Variants in LOC128462377 observed in about 807,000 individuals in gnomAD.
chr16:89,322,813 C>T, the LOC128462377 span, among the ~76,000 whole-genome samples: 1 of 152,250 alleles, frequency 6.6e-6, no homozygotes, highest in Non-Finnish European at 1.5e-5. Context: ...CACGGCCATG[C>T]TCCAGATACC....
the LOC128462377 span, among the ~76,000 whole-genome samples, chr16:89,384,890 T>C: frequency 1.7e-4 from 21 of 121,276 alleles, 1 homozygote; most frequent in East Asian, 3.8e-3. Flanking sequence ...TTTTTTTTTT[T>C]TTTTTTTTTT....
chr16:89,388,806 G>A, the LOC128462377 span, among the ~76,000 whole-genome samples: 1 of 152,182 alleles, frequency 6.6e-6, no homozygotes, highest in Non-Finnish European at 1.5e-5. Flanking sequence ...GAAGGTTCTG[G>A]AAGGCACTGC....
At chr16:89,357,417 G>T in the LOC128462377 span, among the ~76,000 whole-genome samples, 1 of 152,104 alleles carries the variant, frequency 6.6e-6, no homozygotes, top group Non-Finnish European at 1.5e-5. Flanking sequence ...TGCATTGCTG[G>T]TGGGAACATA....
chr16:89,370,965 G>A, the LOC128462377 span, among the ~76,000 whole-genome samples: 2 of 152,130 alleles, frequency 1.3e-5, no homozygotes, highest in African/African-American at 4.8e-5. Flanking sequence ...GACACCACGA[G>A]ACAACCCTAG....
the LOC128462377 span, among the ~76,000 whole-genome samples, chr16:89,385,315 G>A: frequency 9.6e-3 from 1,459 of 151,934 alleles, 30 homozygotes; most frequent in African/African-American, 0.033. Context: ...TTTTAGTAGA[G>A]ACGCTGTTTT....
At chr16:89,384,879 C>CTTTTTTTTTTTTTTTTTTTTTTTTTTTTT in the LOC128462377 span, among the ~76,000 whole-genome samples, 12 of 49,942 alleles carry the variant, frequency 2.4e-4, 2 homozygotes, top group Admixed American at 3.6e-4. Context: ...AAATAGTTTT[C>CTTTTTTTTTTTTTTTTTTTTTTTTTTTTT]TTTTTTTTTT....
the LOC128462377 span, among the ~76,000 whole-genome samples, chr16:89,403,231 C>A: frequency 1.3e-5 from 2 of 152,190 alleles, no homozygotes; most frequent in Non-Finnish European, 2.9e-5. Flanking sequence ...GCTTTACGGG[C>A]ACTGACAGGA....
chr16:89,353,802 T>G, the LOC128462377 span, among the ~76,000 whole-genome samples: 1 of 152,154 alleles, frequency 6.6e-6, no homozygotes, highest in Non-Finnish European at 1.5e-5. Context: ...TTATGGAACA[T>G]AATGTTTTTC....
the LOC128462377 span, among the ~76,000 whole-genome samples, chr16:89,356,258 C>T: frequency 3.3e-5 from 5 of 151,584 alleles, no homozygotes; most frequent in African/African-American, 7.3e-5. Flanking sequence ...ACTTTCAGGA[C>T]GTCCAAAGGA....
chr16:89,411,062 G>A, the LOC128462377 span, among the ~76,000 whole-genome samples: 1 of 152,168 alleles, frequency 6.6e-6, no homozygotes, highest in African/African-American at 2.4e-5. Context: ...TGCAGAGGGA[G>A]GGGCGGCCAG....
At chr16:89,415,257 T>C in the LOC128462377 span, among the ~76,000 whole-genome samples, 1 of 136,388 alleles carries the variant, frequency 7.3e-6, no homozygotes, top group Non-Finnish European at 1.6e-5. Context: ...CCTGGCCAGC[T>C]ATTCTTTTTT....
At chr16:89,382,132 C>T in the LOC128462377 span, among the ~76,000 whole-genome samples, 2 of 152,104 alleles carry the variant, frequency 1.3e-5, no homozygotes, top group East Asian at 1.9e-4. Flanking sequence ...AGCAGCTGGG[C>T]ACACCCAGGG....
the LOC128462377 span, among the ~76,000 whole-genome samples, chr16:89,390,201 G>A: frequency 1.7e-5 from 2 of 116,282 alleles, no homozygotes; most frequent in African/African-American, 6.6e-5. Flanking sequence ...AAGATCACTG[G>A]GGCGAACACC....
chr16:89,330,714 G>T, the LOC128462377 span, among the ~76,000 whole-genome samples: 2 of 127,564 alleles, frequency 1.6e-5, no homozygotes, highest in Non-Finnish European at 3.1e-5. Context: ...TGTATCGGAA[G>T]TCCCACGGCT....
At chr16:89,383,037 T>C in the LOC128462377 span, among the ~76,000 whole-genome samples, 2 of 152,218 alleles carry the variant, frequency 1.3e-5, no homozygotes, top group Middle Eastern at 3.2e-3. Flanking sequence ...AAGGTAGTTA[T>C]TCAATTATGC....
At chr16:89,361,430 T>A in the LOC128462377 span, 2 of 152,288 alleles carry the variant, frequency 1.3e-5, no homozygotes, top group African/African-American at 4.8e-5. Context: ...GTGACTGTCT[T>A]CATCATCATT....
At chr16:89,392,114 G>A in the LOC128462377 span, among the ~76,000 whole-genome samples, 1 of 152,140 alleles carries the variant, frequency 6.6e-6, no homozygotes, top group African/African-American at 2.4e-5. Context: ...TCCCGTTCCA[G>A]CCAATGGAAA....
At chr16:89,355,932 C>T in the LOC128462377 span, among the ~76,000 whole-genome samples, 13 of 152,268 alleles carry the variant, frequency 8.5e-5, no homozygotes, top group East Asian at 2.5e-3. Context: ...GGCTCAGGAA[C>T]GCTAAGTGAC....
At chr16:89,353,078 G>A in the LOC128462377 span, among the ~76,000 whole-genome samples, 1 of 152,178 alleles carries the variant, frequency 6.6e-6, no homozygotes, top group African/African-American at 2.4e-5. Flanking sequence ...GGTGGCTCAC[G>A]CCTGTAATTA....
Sources: allele counts gnomAD v4.1 joint callset (sites outside exome capture counted in the v4.1 genomes callset), GRCh38; gene constraint gnomAD v4.1.1; transcripts MANE v1.5.